DDX4: variants seen among roughly 807,000 people sequenced by gnomAD.
The protein encoded by DDX4 is probable ATP-dependent RNA helicase DDX4.
In DDX4, 25 loss-of-function variants were observed where a neutral mutation model predicts 100.0. That is an observed-to-expected ratio of 0.25 (90% confidence interval 0.18 to 0.35). The LOEUF (loss-of-function observed/expected upper bound fraction) is 0.35. Ranked by LOEUF, DDX4 falls within the 10% of genes least tolerant of loss-of-function variation. The pLI is 1.00. For synonymous variants in DDX4, 259 were observed against 275.7 expected (o/e 0.94, Z 0.60); for missense variants, 635 against 882.4 (o/e 0.72, Z 3.55).
chr5:55,812,088 T>C (rs1744150266), intron 18 of DDX4, among the ~76,000 whole-genome samples: 1 of 152,208 alleles, frequency 6.6e-6, no homozygotes, highest in Non-Finnish European at 1.5e-5. Context: ...CTGATTCTTG[T>C]AATACGTTTT....
intron 18 of DDX4, among the ~76,000 whole-genome samples, chr5:55,801,366 T>C (rs1252782490): frequency 6.6e-6 from 1 of 152,108 alleles, no homozygotes; most frequent in Non-Finnish European, 1.5e-5. Flanking sequence ...TTTAGGCAAT[T>C]AGGAATGCTA....
intron 16 of DDX4, 39 bp downstream of exon 16, chr5:55,790,744 CT>C (rs750158240): frequency 1.3e-6 from 2 of 1,596,300 alleles, no homozygotes; most frequent in South Asian, 1.1e-5. Flanking sequence ...GAGATTGATA[CT>C]TTTTGTTTGG....
intron 3 of DDX4, among the ~76,000 whole-genome samples, chr5:55,747,796 CT>C (rs1469809400): frequency 1.3e-5 from 2 of 152,184 alleles, no homozygotes; most frequent in African/African-American, 4.8e-5. Context: ...GTTACTATAA[CT>C]TTACTATGAG....
chr5:55,752,455 T>C (rs1238316757), intron 3 of DDX4, among the ~76,000 whole-genome samples: 3 of 148,188 alleles, frequency 2.0e-5, no homozygotes, highest in Admixed American at 1.4e-4. Context: ...GTTCTTGAGA[T>C]AGTTTACTGA....
intron 8 of DDX4, among the ~76,000 whole-genome samples, 156 bp downstream of exon 8, chr5:55,780,221 AT>A (rs902249948): frequency 3.3e-4 from 50 of 152,332 alleles, no homozygotes; most frequent in African/African-American, 1.2e-3. Flanking sequence ...ATATAACATT[AT>A]TTTTTAGAGA....
At chr5:55,781,613 C>T (rs149304026) in intron 9 of DDX4, among the ~76,000 whole-genome samples, 203 of 151,924 alleles carry the variant, frequency 1.3e-3, no homozygotes, top group African/African-American at 4.7e-3. Flanking sequence ...CCTATCTCTA[C>T]TAAAAATACA....
At position 55,816,735 on chromosome 5, in the gene DDX4, T is replaced by A; in HGVS notation, c.*195T>A. On this transcript the variant is annotated 3_prime_UTR_variant, in exon 22 of 22. Coordinates refer to ENST00000505374, the MANE Select transcript of DDX4 (RefSeq NM_024415.3). The stretch of plus-strand genomic sequence containing the variant: ...AAACTTACAACATTGCAGTTACTGA[T>A]ACAAATGGTGTTAACTGGGAATATT... 2.2e-6 allele frequency: 2 copies of A among 898,040 alleles called. No individual in the cohort carries two copies. Among genetic ancestry groups the A allele is most frequent in the Non-Finnish European group, 3.2e-6 (2 of 633,934 alleles). 55.6% of individuals were successfully genotyped at this position (898,040 alleles called of 1,614,324 possible). A position where few individuals can be genotyped will look rare whatever the true frequency, so the allele number is the denominator to read the frequency against.
At chr5:55,785,393 T>C (rs750392307) in intron 11 of DDX4, 49 bp downstream of exon 11, 5 of 1,586,500 alleles carry the variant, frequency 3.2e-6, no homozygotes, top group Non-Finnish European at 4.3e-6. Context: ...GAGAGTTCTT[T>C]TACCTTTCAA....
In DDX4 at chr5:55,798,524, G is replaced by T; in HGVS notation, c.1568G>T (p.Gly523Val). ...GTTCAGCAGACCGTTCTCCAAGTTG[G>T]CCAGTTCTCAAAAAGAGAAAAGCTC... is the stretch of plus-strand genomic sequence containing the variant. ...RDVQQTVLQV[G>V]QFSKREKLVE... is the part of the protein sequence containing the mutation. The change falls in exon 18 of 22, where the codon GGC becomes GTC. Residue 523 changes from glycine (G) to valine (V), a missense_variant. Physicochemically the swap from Gly to Val is moderately radical, Grantham distance 109. Transcript: ENST00000505374. 6.2e-7 allele frequency: 1 copy of T among 1,610,028 alleles called. No homozygotes were observed. Among genetic ancestry groups the T allele is most frequent in the Non-Finnish European group, 8.5e-7 (1 of 1,177,780 alleles).
chr5:55,779,825 AT>A (rs1458707016), intron 7 of DDX4, 138 bp from the exon 8 acceptor site: 2 of 1,340,900 alleles, frequency 1.5e-6, no homozygotes, highest in African/African-American at 2.9e-5. Flanking sequence ...TCAAAATGTC[AT>A]TTCTTTTTGA....
At chr5:55,739,903 T>C (rs1758883934) in intron 2 of DDX4, among the ~76,000 whole-genome samples, 1 of 152,182 alleles carries the variant, frequency 6.6e-6, no homozygotes, top group Non-Finnish European at 1.5e-5. Context: ...TACCTTTTTT[T>C]TTATTTTTTA....
At chr5:55,766,996 ATCTC>A (rs1190013275) in intron 6 of DDX4, 2 of 1,529,554 alleles carry the variant, frequency 1.3e-6, no homozygotes, top group African/African-American at 2.8e-5. Context: ...CAGTATAGTA[ATCTC>A]TCATACTACT....
intron 3 of DDX4, among the ~76,000 whole-genome samples, chr5:55,754,726 T>G (rs1232530944): frequency 1.3e-5 from 2 of 150,782 alleles, no homozygotes; most frequent in Non-Finnish European, 3.0e-5. Context: ...TTCTATTGAT[T>G]GGAATAGTTT....
In DDX4 at chr5:55,752,303, A is replaced by G. The variant is rs555424366; in HGVS notation, c.127+6082A>G. Among the ~76,000 whole-genome samples the G allele has an allele frequency of 2.0e-5, 3 of 147,568 alleles. No individual in the cohort carries two copies. In the South Asian group the frequency reaches 6.5e-4, roughly 32 times the overall value. ...ACCCACTAACTCGTCATCTAGCATT[A>G]GGTATATCTCCCAATGCTATCCCTC... On this transcript the variant is annotated intron_variant, in intron 3 of 21. Transcript: ENST00000505374.
Position 55,796,823 on chromosome 5 carries a change from C to CTTTTTTTTTTTTTTTT in DDX4, c.1470-1584_1470-1569dup, listed in dbSNP as rs3990072. On this transcript the variant is annotated intron_variant, in intron 17 of 21. Transcript: ENST00000505374. ...TTTTCTTTTCTTTTTTTCTTTCTTT[C>CTTTTTTTTTTTTTTTT]TTTTTTTTTTTTTTTTTTTTTTTTT... is the stretch of plus-strand genomic sequence containing the variant. 2.2e-3 allele frequency among the ~76,000 whole-genome samples: 133 copies of CTTTTTTTTTTTTTTTT among 59,942 alleles called. 9 individuals carry two copies. The highest frequency in any genetic ancestry group is 2.9e-3 in the Non-Finnish European group (90 of 30,908). The allele number at this position is 59,942 out of a possible 152,430, so 39.3% of individuals were successfully genotyped here. A position where few individuals can be genotyped will look rare whatever the true frequency, so the allele number is the denominator to read the frequency against.
intron 18 of DDX4, among the ~76,000 whole-genome samples, chr5:55,799,540 C>T (rs896879233): frequency 6.6e-6 from 1 of 151,952 alleles, no homozygotes; most frequent in African/African-American, 2.4e-5. Flanking sequence ...CATGCCCAAC[C>T]AGTTTTTTAG....
chr5:55,788,561 A>T (rs919674244), intron 15 of DDX4, among the ~76,000 whole-genome samples: 1 of 152,236 alleles, frequency 6.6e-6, no homozygotes, highest in African/African-American at 2.4e-5. Flanking sequence ...ATGTATATTT[A>T]AAAATGAACT....
chr5:55,768,680 T>C (rs1232782506), intron 7 of DDX4, among the ~76,000 whole-genome samples: 1 of 152,222 alleles, frequency 6.6e-6, no homozygotes, highest in African/African-American at 2.4e-5. Flanking sequence ...TAGTTCTGTT[T>C]TACGTTCTTT....
intron 2 of DDX4, among the ~76,000 whole-genome samples, chr5:55,743,711 T>A (rs1338818189): frequency 2.0e-5 from 3 of 152,220 alleles, no homozygotes; most frequent in African/African-American, 7.2e-5. Context: ...ATTACAGGCG[T>A]GAGCCACCGC....
Sources: gnomAD v4.1 joint callset for allele counts (sites outside exome capture counted in the v4.1 genomes callset) on GRCh38, gnomAD v4.1.1 for gene constraint, MANE v1.5 for transcripts, NCBI Gene and HGNC (gene_info 2026-07-23, HGNC 2026-07-21) for gene names.